Variants in PALB2 observed in about 807,000 individuals in gnomAD.
PALB2 encodes partner and localizer of BRCA2, also known as mutant partner and localizer of BRCA2.
Under a neutral mutation model 107.4 loss-of-function variants are expected in PALB2, and 82 were observed. The observed-to-expected ratio is 0.76, with a 90% CI of 0.64 to 0.92. The LOEUF is 0.92. PALB2 is among the 40% of genes least tolerant of loss of function. PALB2 has a pLI of 0.00. For synonymous variants in PALB2, 489 were observed against 496.8 expected, an observed-to-expected ratio of 0.98 and a Z score of 0.21; for missense variants, 1,374 against 1,379.9, an observed-to-expected ratio of 1.00 and a Z score of 0.07.
chr16:23,625,523 G>A (rs1024044017), intron 7 of PALB2, among the ~76,000 whole-genome samples: 3 of 151,932 alleles, frequency 2.0e-5, no homozygotes, highest in Non-Finnish European at 4.4e-5. Context: ...GGCCAGGTGT[G>A]GTAGCTCACA....
intron 10 of PALB2, among the ~76,000 whole-genome samples, chr16:23,618,406 A>C (rs757686863): frequency 2.6e-5 from 4 of 152,192 alleles, no homozygotes; most frequent in Non-Finnish European, 5.9e-5. Context: ...CAACTGAGAG[A>C]TGGGAAGGAA....
intron 11 of PALB2, among the ~76,000 whole-genome samples, chr16:23,608,782 C>T (rs1966527248): frequency 8.6e-6 from 1 of 115,870 alleles, no homozygotes; most frequent in Non-Finnish European, 1.8e-5. Context: ...AATAATATTA[C>T]TGTATGTGTG....
At chr16:23,626,093 C>T in intron 7 of PALB2, 143 bp downstream of exon 7, 1 of 975,526 alleles carries the variant, frequency 1.0e-6, no homozygotes, top group Non-Finnish European at 1.6e-6. Context: ...ATGTTTGAAA[C>T]TTTTCATAAT....
Position 23,606,283 on chromosome 16 carries a change from G to A in PALB2, c.3350+1581C>T, listed in dbSNP as rs1374517476. On this transcript the variant is annotated intron_variant, in intron 12 of 12. Transcript: ENST00000261584. ...TAGCCAAGCGTGGTGGCATGTACCTGTAGTCCCAGCTACTTGGGAAGCTGA... is the reference window on the plus strand; with the variant it reads ...TAGCCAAGCGTGGTGGCATGTACCTATAGTCCCAGCTACTTGGGAAGCTGA... Among the ~76,000 whole-genome samples, 7 of 151,928 alleles carry A rather than the reference G, an allele frequency of 4.6e-5. 1 individual carries two copies. Among genetic ancestry groups the A allele is most frequent in the Admixed American group, 2.6e-4 (4 of 15,232 alleles).
rs752833998 is a variant in PALB2, at chr16:23,637,844, AT to A, written c.211+5del. ...AAGCAGGCATAAGTGAATGGTCTAG[AT>A]TTACCTGAGTGTTTTAGCTGCGGTG... On this transcript the variant is annotated splice_donor_5th_base_variant and intron_variant, in intron 3 of 12. Coordinates refer to ENST00000261584, the MANE Select transcript of PALB2 (RefSeq NM_024675.4). The A allele has an allele frequency of 6.2e-7, 1 of 1,603,438 alleles. No homozygotes were observed. The highest frequency in any genetic ancestry group is 8.5e-7 in the Non-Finnish European group (1 of 1,170,228).
chr16:23,605,773 C>G (rs1198808428), intron 12 of PALB2: 1 of 152,128 alleles, frequency 6.6e-6, no homozygotes, highest in Non-Finnish European at 1.5e-5. Flanking sequence ...CTGTTGAAAC[C>G]TAATCACCAA....
At position 23,607,903 on chromosome 16, in the gene PALB2, C is replaced by T. The variant is rs1060502798; in HGVS notation, c.3311G>A (p.Gly1104Asp). The change falls in exon 12 of 13, where the codon GGT (glycine) becomes GAT (aspartate). Residue 1104 changes from glycine to aspartate, a missense_variant. Transcript: ENST00000261584. ...VINPKTTLSV[G>D]VMLYCLPPGQ... is the part of the protein sequence containing the mutation. ...TGGAGGAAGACAGTACAGCATCACA[C>T]CCACGCTGAGAGTCGTCTTAGGGTT... The T allele has an allele frequency of 1.9e-6, 3 of 1,614,072 alleles. No individual in the cohort carries two copies. Among genetic ancestry groups the T allele is most frequent in the Non-Finnish European group, 2.5e-6 (3 of 1,180,006 alleles).
intron 7 of PALB2, among the ~76,000 whole-genome samples, chr16:23,624,503 C>CT (rs1966833582): frequency 6.6e-6 from 1 of 152,120 alleles, no homozygotes. Context: ...TATGAAGACT[C>CT]TACAGGAACA....
chr16:23,603,520 G>A lies in PALB2; in HGVS notation c.3500C>T (p.Thr1167Ile), dbSNP rs1308784980. 4.3e-6 allele frequency: 7 copies of A among 1,614,064 alleles called. No homozygotes were observed. Among genetic ancestry groups the A allele is most frequent in the Admixed American group, 1.7e-5 (1 of 60,000 alleles). Residue 1167 changes from threonine (T) to isoleucine (I), a missense_variant, in exon 13 of 13, where the codon ACA becomes ATA. By Grantham distance (89) the Thr-to-Ile change is moderately conservative (BLOSUM62 -1). Transcript: ENST00000261584. Reference sequence around the variant, plus strand: ...TTGTCCAGCCAGCAAATGAGAGTCTGTACCCGACCATTTCACAAAAGACCA... The same window carrying A: ...TTGTCCAGCCAGCAAATGAGAGTCTATACCCGACCATTTCACAAAAGACCA... Reference protein sequence around the residue: ...QHWSFVKWSGTDSHLLAGQKD... With the variant: ...QHWSFVKWSGIDSHLLAGQKD...
rs1966864669 is a variant in PALB2, at chr16:23,630,287, T to C, written c.1867A>G (p.Lys623Glu). ...QLPDEDFGPL[K>E]LEKVKSCSEK... ...GAGCAGGACTTCACTTTTTCAAGCT[T>C]AAGAGGTCCAAAGTCTTCATCAGGT... The change falls in exon 5 of 13, where the codon AAG becomes GAG. Residue 623 changes from lysine to glutamate, a missense_variant. Transcript: ENST00000261584. 1 of 1,614,166 alleles carries C rather than the reference T, an allele frequency of 6.2e-7. No individual in the cohort carries two copies. The highest frequency in any genetic ancestry group is 8.5e-7 in the Non-Finnish European group (1 of 1,180,022).
Position 23,636,203 on chromosome 16 carries a change from C to T in PALB2, c.343G>A (p.Gly115Arg), listed in dbSNP as rs1597099523. ...TCATCTGTTCTTTGTATAGGTAATCCTCCTGGGCCATCTCCAGGGTTAAAG... is the reference window on the plus strand; with the variant it reads ...TCATCTGTTCTTTGTATAGGTAATCTTCCTGGGCCATCTCCAGGGTTAAAG... ...ESFNPGDGPGGLPIQRTDDTQ... is the reference protein window; with the variant it reads ...ESFNPGDGPGRLPIQRTDDTQ... Residue 115 changes from glycine to arginine, a missense_variant, in exon 4 of 13, where the codon GGA (glycine) becomes AGA (arginine). Physicochemically the swap from Gly to Arg is moderately radical, Grantham distance 125 (BLOSUM62 -2). Transcript: ENST00000261584. 6.2e-7 allele frequency: 1 copy of T among 1,613,292 alleles called. No homozygotes were observed. Among genetic ancestry groups the T allele is most frequent in the South Asian group, 1.1e-5 (1 of 90,786 alleles).
At chr16:23,620,586 G>A (rs1966755390) in intron 10 of PALB2, among the ~76,000 whole-genome samples, 1 of 152,144 alleles carries the variant, frequency 6.6e-6, no homozygotes, top group Admixed American at 6.5e-5. Flanking sequence ...TTTCCAGAGT[G>A]TATACTTATT....
At position 23,635,511 on chromosome 16, in the gene PALB2, TA is replaced by T; in HGVS notation, c.1034del (p.Leu345Ter). ...ATTTCTCTGTTTGATTTTGTTCTTT[TA>T]AGTTTTGGTTTTCATTTGCTGGTAA... is the stretch of plus-strand genomic sequence containing the variant. ...NNLPANENQN[L>X]KEQNQTEKSL... On this transcript the variant is annotated frameshift_variant, in exon 4 of 13. Coordinates refer to ENST00000261584, the MANE Select transcript of PALB2 (RefSeq NM_024675.4). LOFTEE classifies it high-confidence loss of function. 2 of 1,613,894 alleles carry T rather than the reference TA, an allele frequency of 1.2e-6. No individual in the cohort carries two copies. Among genetic ancestry groups the T allele is most frequent in the Non-Finnish European group, 1.7e-6 (2 of 1,179,898 alleles).
At chr16:23,632,683 T>C (rs1567219742) in intron 4 of PALB2, among the ~76,000 whole-genome samples, 1 of 152,214 alleles carries the variant, frequency 6.6e-6, no homozygotes, top group Non-Finnish European at 1.5e-5. Flanking sequence ...TGCACAACAC[T>C]GTAAATGTAT....
chr16:23,613,718 A>G (rs2142297089), intron 11 of PALB2, among the ~76,000 whole-genome samples: 1 of 152,288 alleles, frequency 6.6e-6, no homozygotes, highest in African/African-American at 2.4e-5. Context: ...AAACATGGCA[A>G]TGTGGCTGGG....
At chr16:23,606,701 T>A (rs1966481906) in intron 12 of PALB2, among the ~76,000 whole-genome samples, 1 of 151,794 alleles carries the variant, frequency 6.6e-6, no homozygotes, top group Non-Finnish European at 1.5e-5. Context: ...AATTTTTGTA[T>A]GTTAGTAGAG....
rs180177142 is a variant in PALB2 at position 23,638,105 on chromosome 16, TC to T, written c.72del (p.Arg26GlyfsTer7). ...GCTAGTGTCTTGCTGTATTCCCTTT[TC>T]AAGAATGCTAATTTCTCCTTTAACT... is the stretch of plus-strand genomic sequence containing the variant. Reference protein sequence around the residue: ...KEKLKEKLAFLKREYSKTLAR... With the variant: ...KEKLKEKLAFXKREYSKTLAR... On this transcript the variant is annotated frameshift_variant, in exon 2 of 13. Transcript: ENST00000261584. LOFTEE classifies it high-confidence loss of function. 1 of 1,614,108 alleles carries T rather than the reference TC, an allele frequency of 6.2e-7. No homozygotes were observed. The highest frequency in any genetic ancestry group is 8.5e-7 in the Non-Finnish European group (1 of 1,179,944).
chr16:23,630,027 A>G lies in PALB2; in HGVS notation c.2127T>C (p.Asn709=), dbSNP rs1597090047. 2 of 1,614,176 alleles carry G rather than the reference A, an allele frequency of 1.2e-6. No homozygotes were observed. The highest frequency in any genetic ancestry group is 1.7e-6 in the Non-Finnish European group (2 of 1,180,036). ...SSSILLYTPL[N]TVAPDDNDRP... ...TGTCATTATCATCAGGCGCAACCGT[A>G]TTTAAAGGAGTATAAAGTAATATGG... Residue 709 remains asparagine, a synonymous_variant, in exon 5 of 13, where the codon AAT becomes AAC. Coordinates refer to ENST00000261584, the MANE Select transcript of PALB2 (RefSeq NM_024675.4).
Position 23,627,140 on chromosome 16 carries a change from C to G in PALB2, c.2587-743G>C, listed in dbSNP as rs78895268. Among the ~76,000 whole-genome samples the G allele has an allele frequency of 8.9e-3, 1,356 of 152,120 alleles. 8 individuals carry two copies. The highest frequency in any genetic ancestry group is 0.015 in the Non-Finnish European group (1,017 of 68,000). ...ACCATGGGAGCACTATGTATCAAAC[C>G]ACAGAGCGTGGCCAAAGCAGTATTT... On this transcript the variant is annotated intron_variant, in intron 6 of 12. Transcript: ENST00000261584.
Sources: gnomAD v4.1 joint callset for allele counts (sites outside exome capture counted in the v4.1 genomes callset) on GRCh38, gnomAD v4.1.1 for gene constraint, MANE v1.5 for transcripts, NCBI Gene and HGNC (gene_info 2026-07-23, HGNC 2026-07-21) for gene names.